The following TTC6 variants were observed in gnomAD, a reference collection of about 807,000 sequenced individuals.
TTC6 encodes the protein tetratricopeptide repeat domain 6.
TTC6 carries 172 observed loss-of-function variants against 210.4 expected under a neutral mutation model. The observed-to-expected ratio is 0.82, with a 90% confidence interval of 0.72 to 0.93. The LOEUF (loss-of-function observed/expected upper bound fraction) is 0.93, where lower values mean the gene tolerates loss of function less well. Ranked by LOEUF, TTC6 falls within the 40% of genes least tolerant of loss-of-function variation. The probability of loss-of-function intolerance (pLI) is 0.00; values close to 1 mark genes in which losing one functional copy is unlikely to be tolerated. For missense variants in TTC6, 2,414 were observed against 2,318.1 expected (o/e 1.04, Z -0.85); for synonymous variants, 804 against 819.6 (o/e 0.98, Z 0.32).
intron 3 of TTC6, among the ~76,000 whole-genome samples, chr14:37,687,633 A>C (rs965550750): frequency 6.6e-6 from 1 of 152,142 alleles, no homozygotes; most frequent in Admixed American, 6.5e-5. Flanking sequence ...TGCGTCTTAC[A>C]TACCGAGCTC....
intron 1 of TTC6, among the ~76,000 whole-genome samples, chr14:37,665,843 C>G (rs1303301333): frequency 6.7e-6 from 1 of 150,322 alleles, no homozygotes; most frequent in Admixed American, 6.6e-5. Flanking sequence ...ATGAGATACT[C>G]AGACTCCAAG....
chr14:37,684,456 C>T (rs932025444), intron 3 of TTC6, among the ~76,000 whole-genome samples: 1 of 152,160 alleles, frequency 6.6e-6, no homozygotes, highest in African/African-American at 2.4e-5. Flanking sequence ...CTTTACAAAG[C>T]ATGCATTTGG....
At chr14:37,731,605 T>C in intron 7 of TTC6, among the ~76,000 whole-genome samples, 1 of 152,310 alleles carries the variant, frequency 6.6e-6, no homozygotes, top group Non-Finnish European at 1.5e-5. Flanking sequence ...GGCCATGTTA[T>C]TAGATGCATA....
chr14:37,818,311 T>C (rs1292815293), intron 26 of TTC6, among the ~76,000 whole-genome samples: 4 of 152,130 alleles, frequency 2.6e-5, no homozygotes, highest in South Asian at 2.1e-4. Context: ...ATATAGACTT[T>C]GTTAGCCATA....
intron 30 of TTC6, among the ~76,000 whole-genome samples, 176 bp from the exon 33 acceptor site, chr14:37,841,979 T>C (rs2096211179): frequency 6.6e-6 from 1 of 152,214 alleles, no homozygotes. Flanking sequence ...ATATTTTTAA[T>C]TTAACTAAAT....
At chr14:37,840,968 A>C (rs568635326) in intron 29 of TTC6, among the ~76,000 whole-genome samples, 18 of 151,476 alleles carry the variant, frequency 1.2e-4, no homozygotes, top group African/African-American at 4.1e-4. Flanking sequence ...TCCCAGGTTC[A>C]AGCAGTTCTC....
intron 14 of TTC6, among the ~76,000 whole-genome samples, chr14:37,773,142 G>T (rs2096025735): frequency 6.6e-6 from 1 of 152,054 alleles, no homozygotes; most frequent in African/African-American, 2.4e-5. Flanking sequence ...TTGTTTTTAA[G>T]TTCCTTATAG....
At chr14:37,727,094 A>G (rs2095874518) in intron 7 of TTC6, among the ~76,000 whole-genome samples, 1 of 151,868 alleles carries the variant, frequency 6.6e-6, no homozygotes, top group Non-Finnish European at 1.5e-5. Flanking sequence ...AAAGATATAT[A>G]ATACATAATT....
chr14:37,675,469 C>T (rs1353397374), intron 1 of TTC6, among the ~76,000 whole-genome samples: 1 of 152,086 alleles, frequency 6.6e-6, no homozygotes, highest in Non-Finnish European at 1.5e-5. Context: ...TTTATTCATT[C>T]ATCCATGAAT....
chr14:37,817,615 G>A, exon 26 of TTC6: 1 of 1,613,950 alleles, frequency 6.2e-7, no homozygotes, highest in Non-Finnish European at 8.5e-7. Flanking sequence ...CGGACTAACG[G>A]GAGCCTTTGT....
intron 1 of TTC6, among the ~76,000 whole-genome samples, chr14:37,654,245 G>A (rs1027359917): frequency 5.9e-5 from 9 of 152,230 alleles, no homozygotes; most frequent in African/African-American, 2.2e-4. Flanking sequence ...GTTATTGTGA[G>A]ATCTGGTCAT....
At chr14:37,753,883 CAT>C (rs2095959938) in intron 14 of TTC6, among the ~76,000 whole-genome samples, 1 of 151,826 alleles carries the variant, frequency 6.6e-6, no homozygotes, top group African/African-American at 2.4e-5. Context: ...TTGTACATAG[CAT>C]AGTTTTCATT....
In TTC6 at chr14:37,708,089, C is replaced by T. The variant is rs182076488; in HGVS notation, c.1571+6563C>T. 1.2e-4 allele frequency among the ~76,000 whole-genome samples: 18 copies of T among 151,990 alleles called. No homozygotes were observed. In the East Asian group the frequency reaches 3.3e-3, roughly 28 times the overall value. ...ACTATAAGCTTTTCTTCTGTGCATACACATATATTATGTATACATACATTT... is the reference window on the plus strand; with the variant it reads ...ACTATAAGCTTTTCTTCTGTGCATATACATATATTATGTATACATACATTT... On this transcript the variant is annotated intron_variant, in intron 5 of 30. Transcript: ENST00000553443.
intron 1 of TTC6, among the ~76,000 whole-genome samples, chr14:37,602,545 A>C (rs1459481912): frequency 6.6e-6 from 1 of 152,124 alleles, no homozygotes; most frequent in Non-Finnish European, 1.5e-5. Flanking sequence ...CTATCACTCG[A>C]GAAGGCACAA....
intron 1 of TTC6, among the ~76,000 whole-genome samples, chr14:37,597,492 A>T (rs2095606831): frequency 6.6e-6 from 1 of 151,960 alleles, no homozygotes; most frequent in Non-Finnish European, 1.5e-5. Flanking sequence ...GTCAATTACA[A>T]TATCAAATGT....
At chr14:37,824,778 G>T (rs2096166614) in intron 27 of TTC6, among the ~76,000 whole-genome samples, 2 of 152,072 alleles carry the variant, frequency 1.3e-5, no homozygotes, top group Admixed American at 6.6e-5. Context: ...GTGAAAGCAG[G>T]GGCCGTGGCT....
chr14:37,597,612 C>T (rs938556677), intron 1 of TTC6, among the ~76,000 whole-genome samples: 1 of 152,086 alleles, frequency 6.6e-6, no homozygotes. Flanking sequence ...AGCGGAATTT[C>T]TCCTAGGCTT....
chr14:37,785,413 T>C (rs1310636221), intron 14 of TTC6, among the ~76,000 whole-genome samples: 5 of 152,240 alleles, frequency 3.3e-5, no homozygotes, highest in Non-Finnish European at 7.3e-5. Context: ...TTGAATTGGC[T>C]ACTGAAGCTT....
At chr14:37,737,462 T>A (rs1377455623) in intron 8 of TTC6, among the ~76,000 whole-genome samples, 198 bp from the exon 11 acceptor site, 1 of 152,178 alleles carries the variant, frequency 6.6e-6, no homozygotes, top group Admixed American at 6.6e-5. Flanking sequence ...TATTATACAC[T>A]TTTCTACATT....
Sources: allele counts gnomAD v4.1 joint callset (sites outside exome capture counted in the v4.1 genomes callset), GRCh38; gene constraint gnomAD v4.1.1; transcripts MANE v1.5; gene names NCBI Gene and HGNC (gene_info 2026-07-23, HGNC 2026-07-21).